ATG5: variants seen among roughly 807,000 people sequenced by gnomAD.
The protein encoded by ATG5 is autophagy related 5.
In ATG5, 14 loss-of-function variants were observed where a neutral mutation model predicts 36.5. That is an observed-to-expected ratio of 0.38 (90% CI 0.25 to 0.60). The LOEUF (loss-of-function observed/expected upper bound fraction) is 0.60, where lower values mean the gene tolerates loss of function less well. Among genes scored for constraint, ATG5 ranks in the 20% least tolerant of loss-of-function variants. The probability of loss-of-function intolerance (pLI) is 0.60; values close to 1 mark genes in which losing one functional copy is unlikely to be tolerated. For missense variants in ATG5, 195 were observed against 326.7 expected (o/e 0.60, Z 3.11); for synonymous variants, 95 against 101.5 (o/e 0.94, Z 0.38).
chr6:106,240,146 C>T (rs1296110996), intron 6 of ATG5, among the ~76,000 whole-genome samples: 2 of 151,712 alleles, frequency 1.3e-5, no homozygotes, highest in African/African-American at 4.8e-5. Flanking sequence ...TGTGCCACTA[C>T]GCCTGGCTAA....
At chr6:106,288,773 G>T (rs1013201680) in intron 4 of ATG5, among the ~76,000 whole-genome samples, 3 of 152,126 alleles carry the variant, frequency 2.0e-5, no homozygotes, top group Non-Finnish European at 4.4e-5. Flanking sequence ...ATTAAAGTTT[G>T]AAAATCACTA....
At chr6:106,250,993 GTC>G (rs1195874648) in intron 5 of ATG5, among the ~76,000 whole-genome samples, 1 of 152,244 alleles carries the variant, frequency 6.6e-6, no homozygotes. Flanking sequence ...AGATACGCAA[GTC>G]TCTCAGCAAG....
At chr6:106,200,314 A>G (rs1295380875) in intron 7 of ATG5, among the ~76,000 whole-genome samples, 1 of 152,208 alleles carries the variant, frequency 6.6e-6, no homozygotes, top group Non-Finnish European at 1.5e-5. Context: ...GGTATATGTC[A>G]TGCAAGTAAT....
intron 2 of ATG5, among the ~76,000 whole-genome samples, chr6:106,313,474 C>T (rs1226427869): frequency 2.0e-5 from 3 of 152,128 alleles, no homozygotes; most frequent in Non-Finnish European, 4.4e-5. Context: ...AGAAACAAGT[C>T]ACAAAATAGC....
intron 2 of ATG5, among the ~76,000 whole-genome samples, chr6:106,310,457 T>C (rs893405094): frequency 6.6e-6 from 1 of 152,080 alleles, no homozygotes; most frequent in African/African-American, 2.4e-5. Flanking sequence ...AAAACAACAA[T>C]GAAAAGACAT....
intron 4 of ATG5, among the ~76,000 whole-genome samples, chr6:106,286,403 G>C (rs1327077489): frequency 1.3e-5 from 2 of 152,144 alleles, no homozygotes. Context: ...TTGATGACTA[G>C]AGGAAAACTC....
At chr6:106,298,429 T>C (rs2787544) in intron 3 of ATG5, among the ~76,000 whole-genome samples, 12,816 of 152,092 alleles carry the variant, frequency 0.084, 564 homozygotes, top group South Asian at 0.13. Flanking sequence ...CATGCACCTG[T>C]AGTCCCAGCT....
intron 5 of ATG5, among the ~76,000 whole-genome samples, chr6:106,250,558 T>G (rs866871381): frequency 6.6e-6 from 1 of 152,234 alleles, no homozygotes; most frequent in Non-Finnish European, 1.5e-5. Flanking sequence ...TACTTTGACA[T>G]AGTCCTCTCA....
chr6:106,208,516 A>G (rs1235302571), intron 6 of ATG5, among the ~76,000 whole-genome samples: 2 of 152,196 alleles, frequency 1.3e-5, no homozygotes, highest in Non-Finnish European at 2.9e-5. Context: ...CAGAATCATG[A>G]AATTCAGAAG....
At chr6:106,263,329 G>A (rs1779100045) in intron 5 of ATG5, among the ~76,000 whole-genome samples, 1 of 152,196 alleles carries the variant, frequency 6.6e-6, no homozygotes, top group Non-Finnish European at 1.5e-5. Flanking sequence ...TGAAGGAAAG[G>A]TAATGGCCCC....
chr6:106,242,052 G>A (rs1778148136), intron 6 of ATG5, among the ~76,000 whole-genome samples: 1 of 151,844 alleles, frequency 6.6e-6, no homozygotes, highest in African/African-American at 2.4e-5. Flanking sequence ...GAATGGAGAA[G>A]CAAAATGTGG....
intron 7 of ATG5, among the ~76,000 whole-genome samples, chr6:106,198,956 C>T (rs1422863072): frequency 2.0e-5 from 3 of 151,000 alleles, no homozygotes; most frequent in Admixed American, 6.6e-5. Context: ...TTTGAATAGA[C>T]ACTTCATCAA....
intron 5 of ATG5, among the ~76,000 whole-genome samples, chr6:106,258,274 T>A (rs539594079): frequency 2.0e-5 from 3 of 151,512 alleles, no homozygotes; most frequent in African/African-American, 7.3e-5. Context: ...GAGACTGATA[T>A]GGGAAGACTG....
rs2743566 is a variant in ATG5 at position 106,259,127 on chromosome 6, A to C, written c.479-10883T>G. 6.7e-3 allele frequency among the ~76,000 whole-genome samples: 1,023 copies of C among 152,264 alleles called. 19 individuals carry two copies. The highest frequency in any genetic ancestry group is 0.023 in the African/African-American group (948 of 41,560). On this transcript the variant is annotated intron_variant, in intron 5 of 7. Coordinates refer to ENST00000369076, the MANE Select transcript of ATG5 (RefSeq NM_004849.4). ...GGACTGTTCAAGAAGTATTTTCCTCAAAACTGTTATATAACAACTAATTCA... is the reference window on the plus strand; with the variant it reads ...GGACTGTTCAAGAAGTATTTTCCTCCAAACTGTTATATAACAACTAATTCA...
At chr6:106,259,735 C>T (rs900408693) in intron 5 of ATG5, among the ~76,000 whole-genome samples, 1 of 152,070 alleles carries the variant, frequency 6.6e-6, no homozygotes, top group Admixed American at 6.5e-5. Context: ...CTTTTAAATA[C>T]ATGAAAAGTA....
chr6:106,286,471 T>G (rs1266253328), intron 4 of ATG5, among the ~76,000 whole-genome samples: 1 of 152,208 alleles, frequency 6.6e-6, no homozygotes, highest in Non-Finnish European at 1.5e-5. Context: ...AAATATCTGA[T>G]GAATAAATGA....
chr6:106,193,120 A>G (rs190087805), intron 7 of ATG5, among the ~76,000 whole-genome samples: 15 of 152,356 alleles, frequency 9.8e-5, no homozygotes, highest in African/African-American at 3.4e-4. Flanking sequence ...AGCACACTAC[A>G]TGATGTAGCA....
At chr6:106,193,288 T>C (rs1337217733) in intron 7 of ATG5, among the ~76,000 whole-genome samples, 3 of 152,232 alleles carry the variant, frequency 2.0e-5, no homozygotes, top group Non-Finnish European at 2.9e-5. Flanking sequence ...TTAATGAACA[T>C]GCAATATCAT....
At chr6:106,292,826 T>C (rs1482445042) in intron 4 of ATG5, among the ~76,000 whole-genome samples, 2 of 152,182 alleles carry the variant, frequency 1.3e-5, no homozygotes, top group African/African-American at 4.8e-5. Context: ...AAGCAGTTCA[T>C]ATATTAAAAG....
Sources: allele counts gnomAD v4.1 joint callset (sites outside exome capture counted in the v4.1 genomes callset), GRCh38; gene constraint gnomAD v4.1.1; transcripts MANE v1.5; gene names NCBI Gene and HGNC (gene_info 2026-07-23, HGNC 2026-07-21).